NEO1: variants seen among roughly 807,000 people sequenced by gnomAD.
NEO1 encodes neogenin.
In NEO1, 63 loss-of-function variants were observed where a neutral mutation model predicts 159.7. That is an observed-to-expected ratio of 0.39 (90% CI 0.32 to 0.49). NEO1 has a LOEUF of 0.49. Among genes scored for constraint, NEO1 ranks in the 20% least tolerant of loss-of-function variants. NEO1 has a pLI of 0.85. For synonymous variants in NEO1, 633 were observed against 662.0 expected (o/e 0.96, Z 0.67); for missense variants, 1,615 against 1,831.0 (o/e 0.88, Z 2.15).
At chr15:73,174,099 C>CAA (rs35792534) in intron 5 of NEO1, among the ~76,000 whole-genome samples, 1,576 of 143,040 alleles carry the variant, frequency 0.011, 27 homozygotes, top group African/African-American at 0.032. Flanking sequence ...GACTCCATCT[C>CAA]AAAAAAAAAA....
At chr15:73,237,842 G>A (rs919982889) in intron 8 of NEO1, among the ~76,000 whole-genome samples, 2 of 152,196 alleles carry the variant, frequency 1.3e-5, no homozygotes, top group Non-Finnish European at 2.9e-5. Flanking sequence ...ACAGAAGGAA[G>A]AAACCATTTA....
intron 1 of NEO1, among the ~76,000 whole-genome samples, chr15:73,067,023 CTA>C (rs1449839018): frequency 1.3e-5 from 2 of 152,216 alleles, no homozygotes; most frequent in Non-Finnish European, 2.9e-5. Flanking sequence ...ACCATCTACT[CTA>C]TCATTCCTGA....
chr15:73,135,883 T>TTA lies in NEO1; in HGVS notation c.879-8_879-7insTA, dbSNP rs1567281937. The TTA allele has an allele frequency of 8.6e-5, 123 of 1,428,302 alleles. No individual in the cohort carries two copies. Among genetic ancestry groups the TTA allele is most frequent in the African/African-American group, 1.6e-4 (11 of 67,268 alleles). 88.5% of individuals were successfully genotyped at this position (1,428,302 alleles called of 1,614,324 possible). On this transcript the variant is annotated splice_polypyrimidine_tract_variant and splice_region_variant and intron_variant, in intron 4 of 28. Coordinates refer to ENST00000261908, the MANE Select transcript of NEO1 (RefSeq NM_002499.4). ...TGTATCTTTTTTTTTTTTTTTTTTT[T>TTA]AACACAGCTCTGAAAGATTGGTATT...
At chr15:73,141,366 A>G (rs1342010082) in intron 5 of NEO1, among the ~76,000 whole-genome samples, 3 of 152,318 alleles carry the variant, frequency 2.0e-5, no homozygotes, top group East Asian at 3.9e-4. Context: ...TCTTATCATT[A>G]ACTCCTGGAG....
intron 5 of NEO1, among the ~76,000 whole-genome samples, chr15:73,138,241 A>ATT (rs1294283651): frequency 6.6e-6 from 1 of 152,202 alleles, no homozygotes; most frequent in Non-Finnish European, 1.5e-5. Flanking sequence ...CTAAGTGTTG[A>ATT]TTTGAGAAAT....
chr15:73,154,139 T>C (rs8037761), intron 5 of NEO1, among the ~76,000 whole-genome samples: 25,190 of 152,022 alleles, frequency 0.17, 3,963 homozygotes, highest in African/African-American at 0.41. Context: ...TCCCTAAGAT[T>C]ACAAAACACA....
intron 1 of NEO1, among the ~76,000 whole-genome samples, chr15:73,067,861 CTGTT>C (rs1433047863): frequency 2.6e-5 from 4 of 152,092 alleles, no homozygotes; most frequent in African/African-American, 9.7e-5. Context: ...CGTGATCCAC[CTGTT>C]TCGGCCTCCC....
intron 11 of NEO1, among the ~76,000 whole-genome samples, chr15:73,251,765 A>G (rs928124104): frequency 6.6e-5 from 10 of 152,154 alleles, no homozygotes; most frequent in African/African-American, 2.4e-4. Context: ...AGCACTTTGG[A>G]ATAACGCAAA....
chr15:73,150,362 A>G (rs575529702), intron 5 of NEO1, among the ~76,000 whole-genome samples: 1 of 152,330 alleles, frequency 6.6e-6, no homozygotes, highest in Admixed American at 6.5e-5. Flanking sequence ...GGTAAAGAAT[A>G]CTTTTTCCTA....
In NEO1 at chr15:73,260,410, T is replaced by C; in HGVS notation, c.2343T>C (p.His781=). 2 of 1,614,030 alleles carry C rather than the reference T, an allele frequency of 1.2e-6. No homozygotes were observed. Among genetic ancestry groups the C allele is most frequent in the African/African-American group, 1.3e-5 (1 of 75,052 alleles). The stretch of plus-strand genomic sequence containing the variant: ...TTGGTTATGGCATTGGCAGCCCTCA[T>C]GCCCAGACCATCAAAGTGGACTATA... ...YAIGYGIGSP[H]AQTIKVDYKQ... is the part of the protein sequence containing the mutation. The change falls in exon 15 of 29, where the codon CAT becomes CAC. Residue 781 remains histidine, a synonymous_variant. Transcript: ENST00000261908.
intron 1 of NEO1, among the ~76,000 whole-genome samples, chr15:73,096,992 G>A (rs1372674720): frequency 6.6e-6 from 1 of 152,090 alleles, no homozygotes; most frequent in Non-Finnish European, 1.5e-5. Context: ...GGGTGTGGTA[G>A]CATGTGCCTG....
At chr15:73,080,378 C>T (rs1356016653) in intron 1 of NEO1, among the ~76,000 whole-genome samples, 3 of 152,132 alleles carry the variant, frequency 2.0e-5, no homozygotes, top group South Asian at 2.1e-4. Context: ...GTCTTCATGG[C>T]AGAGACAATT....
Position 73,148,212 on chromosome 15 carries a change from G to C in NEO1, c.1015+12185G>C, listed in dbSNP as rs924532008. Among the ~76,000 whole-genome samples the C allele has an allele frequency of 2.6e-4, 40 of 152,120 alleles. 1 individual carries two copies. Among genetic ancestry groups the C allele is most frequent in the African/African-American group, 9.2e-4 (38 of 41,414 alleles). On this transcript the variant is annotated intron_variant, in intron 5 of 28. Transcript: ENST00000261908. ...TCAAATCTACAAGCTTTGGTTAAGA[G>C]AACCATGACAGGAAGAATCTTAGTA...
At chr15:73,220,567 A>G (rs1185111036) in intron 7 of NEO1, among the ~76,000 whole-genome samples, 3 of 152,206 alleles carry the variant, frequency 2.0e-5, no homozygotes, top group South Asian at 2.1e-4. Flanking sequence ...AGGTACACCA[A>G]TCAGACGTAG....
intron 1 of NEO1, among the ~76,000 whole-genome samples, chr15:73,065,853 G>A (rs2068187761): frequency 6.6e-6 from 1 of 151,954 alleles, no homozygotes; most frequent in South Asian, 2.1e-4. Context: ...TTATCTCTCT[G>A]ATGGGTTCAG....
At chr15:73,093,861 G>C (rs575008249) in intron 1 of NEO1, among the ~76,000 whole-genome samples, 1 of 152,284 alleles carries the variant, frequency 6.6e-6, no homozygotes, top group Non-Finnish European at 1.5e-5. Flanking sequence ...TTATAGGCAC[G>C]AGCCACTGTG....
chr15:73,225,139 A>G (rs2038504407), intron 7 of NEO1, among the ~76,000 whole-genome samples: 2 of 152,166 alleles, frequency 1.3e-5, no homozygotes, highest in Admixed American at 1.3e-4. Context: ...GTCTGCACAG[A>G]GTCCTGTGAT....
At position 73,296,810 on chromosome 15, in the gene NEO1, T is replaced by A. The variant is rs540873346; in HGVS notation, c.3902-1538T>A. On this transcript the variant is annotated intron_variant, in intron 26 of 28. Coordinates refer to ENST00000261908, the MANE Select transcript of NEO1 (RefSeq NM_002499.4). ...AGTCTGGATAGGCTGGACTAAGGGA[T>A]GAGGCACATCCCCAGTGGAATGGCG... Among the ~76,000 whole-genome samples, 19 of 152,250 alleles carry A rather than the reference T, an allele frequency of 1.2e-4. No individual in the cohort carries two copies. The South Asian group carries it at 3.9e-3, about 32-fold the overall frequency.
chr15:73,215,814 G>T (rs925411369), intron 7 of NEO1, among the ~76,000 whole-genome samples: 3 of 152,032 alleles, frequency 2.0e-5, no homozygotes, highest in Non-Finnish European at 4.4e-5. Flanking sequence ...ATTAGGGAGG[G>T]TTCCCTTTTT....
Sources: allele counts gnomAD v4.1 joint callset (sites outside exome capture counted in the v4.1 genomes callset), GRCh38; gene constraint gnomAD v4.1.1; transcripts MANE v1.5; gene names NCBI Gene and HGNC (gene_info 2026-07-23, HGNC 2026-07-21).